The following KCNS3 variants were observed in gnomAD, a reference collection of about 807,000 sequenced individuals.
The protein encoded by KCNS3 is potassium voltage-gated channel modifier subfamily S member 3, also known as delayed-rectifier potassium channel regulatory subunit KCNS3.
A neutral mutation model predicts 31.0 loss-of-function variants in KCNS3; 13 were observed. The ratio of observed to expected loss-of-function variants is 0.42; its 90% CI spans 0.27 to 0.67. The LOEUF is 0.67. Ranked by LOEUF, KCNS3 falls within the 30% of genes least tolerant of loss-of-function variation. KCNS3 has a pLI of 0.25. For synonymous variants in KCNS3, 238 were observed against 241.5 expected (o/e 0.99, Z 0.13); for missense variants, 545 against 622.4 (o/e 0.88, Z 1.32).
At chr2:17,920,795 G>T (rs1182365707) in intron 2 of KCNS3, among the ~76,000 whole-genome samples, 1 of 152,172 alleles carries the variant, frequency 6.6e-6, no homozygotes, top group Non-Finnish European at 1.5e-5. Flanking sequence ...GACCCCATGT[G>T]TCTTCAGCAT....
At chr2:17,886,381 G>A (rs1293033172) in intron 1 of KCNS3, among the ~76,000 whole-genome samples, 1 of 152,176 alleles carries the variant, frequency 6.6e-6, no homozygotes, top group Non-Finnish European at 1.5e-5. Flanking sequence ...ATTGAGTGGA[G>A]ATGTTGTAGC....
chr2:17,918,800 G>A (rs1379378973), intron 2 of KCNS3, among the ~76,000 whole-genome samples: 2 of 152,218 alleles, frequency 1.3e-5, no homozygotes, highest in Non-Finnish European at 1.5e-5. Flanking sequence ...CTTGTGATAT[G>A]TGCTAAAATC....
chr2:17,922,655 C>T (rs1478347443), intron 2 of KCNS3, among the ~76,000 whole-genome samples: 1 of 151,994 alleles, frequency 6.6e-6, no homozygotes, highest in Admixed American at 6.5e-5. Context: ...TTAATAGTAC[C>T]CATCTCCCCT....
chr2:17,929,303 G>C (rs1487404596), intron 2 of KCNS3, among the ~76,000 whole-genome samples: 3 of 152,212 alleles, frequency 2.0e-5, no homozygotes, highest in Non-Finnish European at 4.4e-5. Context: ...AGGCTGTACA[G>C]GAGGCATGGC....
intron 1 of KCNS3, among the ~76,000 whole-genome samples, chr2:17,894,797 C>G (rs1457290808): frequency 1.3e-5 from 2 of 152,300 alleles, no homozygotes; most frequent in Admixed American, 6.5e-5. Flanking sequence ...CACTGCTGGG[C>G]TTGTTGGAGG....
In KCNS3 at chr2:17,931,220, G is replaced by T. The variant is rs1285784154; in HGVS notation, c.212G>T (p.Arg71Leu). Reference protein sequence around the residue: ...SVADKEYYFDRNPSLFRYVLN... With the variant: ...SVADKEYYFDLNPSLFRYVLN... ...GCCGATAAGGAGTACTACTTTGATC[G>T]GAATCCCTCCTTGTTCAGATATGTT... is the stretch of plus-strand genomic sequence containing the variant. Residue 71 changes from arginine (R) to leucine (L), a missense_variant, in exon 3 of 3, where the codon CGG becomes CTG. Transcript: ENST00000304101. The surrounding 1 kb of genome is among the most constrained non-coding windows in gnomAD (Gnocchi z 5.4). 6.2e-7 allele frequency: 1 copy of T among 1,614,060 alleles called. No homozygotes were observed. Among genetic ancestry groups the T allele is most frequent in the Non-Finnish European group, 8.5e-7 (1 of 1,179,992 alleles).
intron 1 of KCNS3, among the ~76,000 whole-genome samples, chr2:17,879,655 A>G (rs537519016): frequency 6.6e-6 from 1 of 151,798 alleles, no homozygotes; most frequent in South Asian, 2.1e-4. Flanking sequence ...CGCCTTTCGC[A>G]TTGCAGGGCT....
At chr2:17,879,593 G>A (rs1674592687) in intron 1 of KCNS3, 1 of 152,188 alleles carries the variant, frequency 6.6e-6, no homozygotes, top group African/African-American at 2.4e-5. Flanking sequence ...AGGCACCTTG[G>A]CTAGCAAGCG....
intron 1 of KCNS3, among the ~76,000 whole-genome samples, chr2:17,915,837 GT>G (rs1365741935): frequency 6.6e-6 from 1 of 152,152 alleles, no homozygotes; most frequent in African/African-American, 2.4e-5. Context: ...TGAAAATCCA[GT>G]TTTTTTGGAT....
Position 17,885,090 on chromosome 2 carries a change from C to A in KCNS3, c.-252+6284C>A, listed in dbSNP as rs150771950. Among the ~76,000 whole-genome samples the A allele has an allele frequency of 4.9e-4, 74 of 152,244 alleles. No individual in the cohort carries two copies. The East Asian group carries it at 5.6e-3, about 12-fold the overall frequency. ...AGAACTATGAATGGGGATGTAGGAACATTTGTGGTAGGATTCTAAGCATTT... is the reference window on the plus strand; with the variant it reads ...AGAACTATGAATGGGGATGTAGGAAAATTTGTGGTAGGATTCTAAGCATTT... On this transcript the variant is annotated intron_variant, in intron 1 of 2. Coordinates refer to ENST00000304101, the MANE Select transcript of KCNS3 (RefSeq NM_002252.5).
chr2:17,925,417 A>T (rs1572502966), intron 2 of KCNS3, among the ~76,000 whole-genome samples: 1 of 152,170 alleles, frequency 6.6e-6, no homozygotes, highest in South Asian at 2.1e-4. Context: ...AGACATTCCT[A>T]TTGATTCTAA....
chr2:17,896,687 C>G, intron 1 of KCNS3, among the ~76,000 whole-genome samples: 1 of 150,568 alleles, frequency 6.6e-6, no homozygotes, highest in South Asian at 2.1e-4. Context: ...TGAAGATCTC[C>G]CAAGAGGTTC....
intron 1 of KCNS3, among the ~76,000 whole-genome samples, chr2:17,905,322 C>A (rs1016644263): frequency 1.3e-5 from 2 of 152,218 alleles, no homozygotes; most frequent in Non-Finnish European, 2.9e-5. Flanking sequence ...TATCCTGAGA[C>A]TTTGCTGAAG....
At chr2:17,883,274 G>A (rs1674683458) in intron 1 of KCNS3, among the ~76,000 whole-genome samples, 6 of 151,920 alleles carry the variant, frequency 3.9e-5, no homozygotes, top group Admixed American at 3.9e-4. Context: ...TCACATATAT[G>A]TATTCTCATT....
intron 1 of KCNS3, among the ~76,000 whole-genome samples, chr2:17,894,167 A>G (rs1021603414): frequency 9.9e-5 from 15 of 152,056 alleles, no homozygotes; most frequent in Non-Finnish European, 2.1e-4. Flanking sequence ...AACAATTTCC[A>G]TGCAGACATC....
chr2:17,921,952 TATATATAA>T (rs1244380143), intron 2 of KCNS3, among the ~76,000 whole-genome samples: 9 of 133,794 alleles, frequency 6.7e-5, no homozygotes, highest in East Asian at 4.3e-4. Context: ...TATATATATA[TATATATAA>T]ATACATATAC....
intron 1 of KCNS3, among the ~76,000 whole-genome samples, chr2:17,896,373 A>AG (rs1330289995): frequency 3.3e-5 from 5 of 152,056 alleles, no homozygotes; most frequent in Non-Finnish European, 7.4e-5. Context: ...AGTTTAGAAA[A>AG]GTCCCTCTAG....
intron 1 of KCNS3, among the ~76,000 whole-genome samples, chr2:17,895,806 G>T (rs992204710): frequency 3.3e-5 from 5 of 152,140 alleles, no homozygotes; most frequent in Non-Finnish European, 5.9e-5. Flanking sequence ...GAAAAGAAGG[G>T]AAAAGGACAC....
At chr2:17,887,492 T>TATCTATCTATCC (rs1553341255) in intron 1 of KCNS3, among the ~76,000 whole-genome samples, 59 of 148,248 alleles carry the variant, frequency 4.0e-4, no homozygotes, top group East Asian at 9.7e-4. Flanking sequence ...ATGATCTATC[T>TATCTATCTATCC]ATCTATCTAT....
Sources: allele counts gnomAD v4.1 joint callset (sites outside exome capture counted in the v4.1 genomes callset), GRCh38; gene constraint gnomAD v4.1.1; non-coding constraint Gnocchi (gnomAD v3.1); transcripts MANE v1.5; gene names NCBI Gene and HGNC (gene_info 2026-07-23, HGNC 2026-07-21).